POLE: variants seen among roughly 807,000 people sequenced by gnomAD.
The protein encoded by POLE is DNA polymerase epsilon, catalytic subunit.
A neutral mutation model predicts 279.2 loss-of-function variants in POLE; 188 were observed. The ratio of observed to expected loss-of-function variants is 0.67; its 90% CI spans 0.60 to 0.76. The LOEUF is 0.76. Among genes scored for constraint, POLE ranks in the 30% least tolerant of loss-of-function variants. POLE has a pLI of 0.00. For missense variants in POLE, 2,703 were observed against 3,016.7 expected, an observed-to-expected ratio of 0.90 and a Z score of 2.44; for synonymous variants, 1,214 against 1,172.5, an observed-to-expected ratio of 1.04 and a Z score of -0.72.
Position 132,657,241 on chromosome 12 carries a change from T to C in POLE, c.3477A>G (p.Pro1159=). The C allele has an allele frequency of 1.2e-6, 2 of 1,614,024 alleles. No homozygotes were observed. Among genetic ancestry groups the C allele is most frequent in the Non-Finnish European group, 1.7e-6 (2 of 1,179,988 alleles). ...GCAGCCAGTCGGGGTGTTTGACACG[T>C]GGCACTGGGTTCTTTACCTGTGTGA... ...AALQQVKNPV[P]RVKHPDWLHK... Residue 1159 remains proline (P), a synonymous_variant, in exon 29 of 49, where the codon CCA becomes CCG. Coordinates refer to ENST00000320574, the MANE Select transcript of POLE (RefSeq NM_006231.4).
At chr12:132,677,082 TCCCTTCAC>T (rs1174505376) in intron 8 of POLE, among the ~76,000 whole-genome samples, 31 of 152,206 alleles carry the variant, frequency 2.0e-4, no homozygotes, top group African/African-American at 7.5e-4. Flanking sequence ...TTTCACCATG[TCCCTTCAC>T]TATCAACTAC....
chr12:132,673,692 G>A lies in POLE; in HGVS notation c.1242C>T (p.Asp414=), dbSNP rs775213170. The part of the protein sequence containing the change: ...HMDCLRWVKR[D]SYLPVGSHNL... ...TATGACTGCCCACAGGAAGGTAACT[G>A]TCCCTCTTCACCCACCTGGAAGGAG... is the stretch of plus-strand genomic sequence containing the variant. Residue 414 remains aspartate, a synonymous_variant, in exon 13 of 49, where the codon GAC becomes GAT. Transcript: ENST00000320574. 2.5e-6 allele frequency: 4 copies of A among 1,613,866 alleles called. No individual in the cohort carries two copies. The highest frequency in any genetic ancestry group is 3.4e-6 in the Non-Finnish European group (4 of 1,179,986).
chr12:132,649,142 G>A (rs2138601996), intron 31 of POLE, 70 bp from the exon 32 acceptor site: 1 of 1,563,942 alleles, frequency 6.4e-7, no homozygotes, highest in Non-Finnish European at 8.7e-7. Flanking sequence ...CCACCTTCCA[G>A]GTAGCTTGCA....
intron 41 of POLE, among the ~76,000 whole-genome samples, chr12:132,636,665 C>G (rs1227774688): frequency 2.0e-5 from 3 of 151,944 alleles, no homozygotes; most frequent in Admixed American, 6.6e-5. Flanking sequence ...CTGAGGTGGG[C>G]AGATAGCTTG....
At chr12:132,673,538 C>A (rs1389334874) in intron 13 of POLE, 37 bp downstream of exon 13, 1 of 1,591,680 alleles carries the variant, frequency 6.3e-7, no homozygotes, top group South Asian at 1.1e-5. Flanking sequence ...GATGCGTGCA[C>A]ACGGCAGCAG....
chr12:132,636,894 C>T (rs192345410), intron 41 of POLE, among the ~76,000 whole-genome samples: 61 of 152,356 alleles, frequency 4.0e-4, no homozygotes, highest in African/African-American at 1.3e-3. Context: ...TTTATGTTCT[C>T]CCTAACTCTG....
At position 132,659,258 on chromosome 12, in the gene POLE, G is replaced by A. The variant is rs764509427; in HGVS notation, c.3275+37C>T. On this transcript the variant is annotated intron_variant, in intron 26 of 48. Transcript: ENST00000320574. Reference sequence around the variant, plus strand: ...GAGCCCTCACCTGTCCGTGATGGGAGGAGCCCTCACCTCTCCGTGATGGGG... The same window carrying A: ...GAGCCCTCACCTGTCCGTGATGGGAAGAGCCCTCACCTCTCCGTGATGGGG... The A allele has an allele frequency of 7.5e-6, 12 of 1,600,260 alleles. No individual in the cohort carries two copies. In the African/African-American group the frequency reaches 1.3e-4, roughly 18 times the overall value.
chr12:132,674,626 T>TCC (rs768063571), intron 12 of POLE, among the ~76,000 whole-genome samples: 1 of 152,026 alleles, frequency 6.6e-6, no homozygotes, highest in Non-Finnish European at 1.5e-5. Context: ...AGATCCTGAA[T>TCC]CCTCACAACC....
intron 2 of POLE, 191 bp downstream of exon 2, chr12:132,680,947 C>T (rs2043153037): frequency 4.5e-6 from 3 of 662,360 alleles, no homozygotes; most frequent in Non-Finnish European, 5.1e-6. Flanking sequence ...CCATCACCTC[C>T]GGCTTCTCAC....
At chr12:132,628,778 T>C (rs566524485) in intron 45 of POLE, among the ~76,000 whole-genome samples, 3 of 152,362 alleles carry the variant, frequency 2.0e-5, no homozygotes, top group Admixed American at 6.5e-5. Context: ...ATCTTCAGGC[T>C]CCACTTCTAA....
rs770470552 is a variant in POLE, at chr12:132,664,098, C to G, written c.2612G>C (p.Ser871Thr). 7.4e-6 allele frequency: 12 copies of G among 1,614,100 alleles called. No homozygotes were observed. In the Admixed American group the frequency reaches 1.3e-4, roughly 18 times the overall value. ...TDGIWCVLPN[S>T]FPENFVFKTT... Reference sequence around the variant, plus strand: ...CTTGAAGACAAAATTTTCTGGGAAGCTGTTGGGCAGGACGCACCATATACC... The same window carrying G: ...CTTGAAGACAAAATTTTCTGGGAAGGTGTTGGGCAGGACGCACCATATACC... The change falls in exon 23 of 49, where the codon AGC becomes ACC. Residue 871 changes from serine (S) to threonine (T), a missense_variant. Transcript: ENST00000320574. The surrounding 1 kb of genome is among the most constrained non-coding windows in gnomAD (Gnocchi z 5.3).
At chr12:132,671,262 C>CAAAAAA (rs397850854) in intron 16 of POLE, among the ~76,000 whole-genome samples, 1 of 64,486 alleles carries the variant, frequency 1.6e-5, no homozygotes. Flanking sequence ...GACTCCGTCT[C>CAAAAAA]AAAAAAAAAA....
chr12:132,643,882 G>A lies in POLE; in HGVS notation c.4245C>T (p.Asn1415=), dbSNP rs778896278. Residue 1415 remains asparagine, a synonymous_variant, in exon 33 of 49, where the codon AAC becomes AAT. Coordinates refer to ENST00000320574, the MANE Select transcript of POLE (RefSeq NM_006231.4). ...CGATGTCTGGCGCTGACAGCTCAGC[G>A]TTGATCTCGTTGATGTGTTCCTGGT... ...DMYQEHINEI[N]AELSAPDIEG... 1.2e-5 allele frequency: 20 copies of A among 1,614,082 alleles called. No individual in the cohort carries two copies. Among genetic ancestry groups the A allele is most frequent in the East Asian group, 4.5e-5 (2 of 44,896 alleles).
chr12:132,646,296 G>A (rs1436320783), intron 32 of POLE, among the ~76,000 whole-genome samples: 7 of 151,920 alleles, frequency 4.6e-5, no homozygotes, highest in East Asian at 1.9e-4. Context: ...GCACCCTCCC[G>A]GGTGATGGAA....
In POLE at chr12:132,639,037, A is replaced by C. The variant is rs888271498; in HGVS notation, c.5552+88T>G. On this transcript the variant is annotated intron_variant, in intron 40 of 48. Transcript: ENST00000320574. The surrounding 1 kb of genome is among the most constrained non-coding windows in gnomAD (Gnocchi z 4.7). ...GAAATACACTACTTATCCCAGAGGC[A>C]CTGGCTGGCCATGTCTCTGGTTCTG... 1.7e-5 allele frequency: 19 copies of C among 1,121,082 alleles called. No homozygotes were observed. In the African/African-American group the frequency reaches 2.1e-4, roughly 13 times the overall value. 69.4% of individuals were successfully genotyped at this position (1,121,082 alleles called of 1,614,324 possible).
intron 8 of POLE, 66 bp downstream of exon 8, chr12:132,677,297 C>T (rs2043075874): frequency 9.2e-7 from 1 of 1,081,174 alleles, no homozygotes; most frequent in Non-Finnish European, 1.4e-6. Flanking sequence ...CACTCTCCAG[C>T]ACTGAAGAAT....
intron 39 of POLE, among the ~76,000 whole-genome samples, chr12:132,640,461 C>T (rs1444903261): frequency 3.3e-5 from 5 of 152,256 alleles, no homozygotes; most frequent in African/African-American, 7.2e-5. Flanking sequence ...GCCACAAGGG[C>T]GTGTGCCAGT....
chr12:132,672,936 G>C, intron 14 of POLE, 97 bp from the exon 15 acceptor site: 1 of 1,145,432 alleles, frequency 8.7e-7, no homozygotes, highest in Non-Finnish European at 1.3e-6. Context: ...AGTGTGAAAG[G>C]AGAGAAAACC....
chr12:132,629,930 G>A (rs1292920606), intron 45 of POLE, among the ~76,000 whole-genome samples: 2 of 152,112 alleles, frequency 1.3e-5, no homozygotes, highest in Admixed American at 6.5e-5. Context: ...ACTTGAACAC[G>A]TAGAGGCCAT....
Sources: allele counts gnomAD v4.1 joint callset (sites outside exome capture counted in the v4.1 genomes callset), GRCh38; gene constraint gnomAD v4.1.1; non-coding constraint Gnocchi (gnomAD v3.1); transcripts MANE v1.5; gene names NCBI Gene and HGNC (gene_info 2026-07-23, HGNC 2026-07-21).